Variants in EMC1 observed in about 807,000 individuals in gnomAD.
EMC1 encodes the protein KIAA0090.
In EMC1, 103 loss-of-function variants were observed where a neutral mutation model predicts 128.8. That is an observed-to-expected ratio of 0.80 (90% confidence interval 0.68 to 0.94). The LOEUF (loss-of-function observed/expected upper bound fraction) is 0.94. Ranked by LOEUF, EMC1 falls within the 40% of genes least tolerant of loss-of-function variation. The pLI, the probability that EMC1 is intolerant of heterozygous loss-of-function variation, is 0.00. For synonymous variants in EMC1, 442 were observed against 490.4 expected (o/e 0.90, Z 1.30); for missense variants, 1,083 against 1,250.6 (o/e 0.87, Z 2.02).
At position 19,223,380 on chromosome 1, in the gene EMC1, G is replaced by T. The variant is rs754044117; in HGVS notation, c.2376+16C>A. On this transcript the variant is annotated intron_variant, in intron 19 of 22. Transcript: ENST00000477853. ...ACCTCTGGAGCTACCTTGGGTCCCT[G>T]GTAGTGACCGCTTACCACCACCCAG... is the stretch of plus-strand genomic sequence containing the variant. The T allele has an allele frequency of 6.2e-7, 1 of 1,610,500 alleles. No individual in the cohort carries two copies. Among genetic ancestry groups the T allele is most frequent in the African/African-American group, 1.3e-5 (1 of 74,988 alleles).
chr1:19,250,417 A>G (rs1472929744), intron 1 of EMC1, among the ~76,000 whole-genome samples: 1 of 152,090 alleles, frequency 6.6e-6, no homozygotes, highest in African/African-American at 2.4e-5. Context: ...AATTAGATAC[A>G]CATATCACCC....
intron 18 of EMC1, among the ~76,000 whole-genome samples, chr1:19,225,630 A>T (rs2093466901): frequency 6.6e-6 from 1 of 151,916 alleles, no homozygotes; most frequent in Admixed American, 6.6e-5. Flanking sequence ...CTGGTGAAAG[A>T]GCAAGACTCC....
intron 1 of EMC1, among the ~76,000 whole-genome samples, chr1:19,249,009 A>G (rs937512644): frequency 1.3e-5 from 2 of 152,132 alleles, no homozygotes; most frequent in African/African-American, 4.8e-5. Context: ...CCTGGGGAAC[A>G]TAGCAAGATC....
In EMC1 at chr1:19,245,007, A is replaced by T. The variant is rs902716680; in HGVS notation, c.119T>A (p.Val40Asp). Residue 40 changes from valine to aspartate, a missense_variant, in exon 2 of 23, where the codon GTC becomes GAC. Transcript: ENST00000477853. ...FDWRQQYVGKVKFASLEFSPG... is the reference protein window; with the variant it reads ...FDWRQQYVGKDKFASLEFSPG... ...GGAAAATTCCAAGGAGGCAAACTTG[A>T]CCTTCCCAACATATTGCTGTCTCCT... 1 of 1,613,842 alleles carries T rather than the reference A, an allele frequency of 6.2e-7. No homozygotes were observed. Among genetic ancestry groups the T allele is most frequent in the African/African-American group, 1.3e-5 (1 of 74,908 alleles).
intron 21 of EMC1, chr1:19,220,212 T>C (rs2151934561): frequency 6.1e-6 from 1 of 163,762 alleles, no homozygotes; most frequent in South Asian, 1.6e-4. Flanking sequence ...AAGATGGTGG[T>C]TGTTAATACA....
chr1:19,233,069 G>A lies in EMC1; in HGVS notation c.1499C>T (p.Ser500Phe). 2 of 1,614,214 alleles carry A rather than the reference G, an allele frequency of 1.2e-6. No homozygotes were observed. Among genetic ancestry groups the A allele is most frequent in the African/African-American group, 1.3e-5 (1 of 75,044 alleles). Reference protein sequence around the residue: ...SQLILLQAWTSHLWKMFYDAR... With the variant: ...SQLILLQAWTFHLWKMFYDAR... Reference sequence around the variant, plus strand: ...ATCATAAAACATTTTCCAGAGGTGGGAAGTCCATGCTTGCAGCAGGATAAG... The same window carrying A: ...ATCATAAAACATTTTCCAGAGGTGGAAAGTCCATGCTTGCAGCAGGATAAG... The change falls in exon 14 of 23, where the codon TCC becomes TTC. Residue 500 changes from serine (S) to phenylalanine (F), a missense_variant. Transcript: ENST00000477853.
chr1:19,222,551 T>C, intron 20 of EMC1, 73 bp downstream of exon 20: 1 of 1,306,260 alleles, frequency 7.7e-7, no homozygotes, highest in Non-Finnish European at 1.1e-6. Context: ...GCCAGCAATG[T>C]GTCCCTTGCT....
chr1:19,222,663 TGG>T lies in EMC1; in HGVS notation c.2546_2547del (p.Ala849AspfsTer26). The T allele has an allele frequency of 6.2e-7, 1 of 1,614,104 alleles. No homozygotes were observed. The highest frequency in any genetic ancestry group is 8.5e-7 in the Non-Finnish European group (1 of 1,180,014). On this transcript the variant is annotated frameshift_variant, in exon 20 of 23. Transcript: ENST00000477853. LOFTEE classifies it high-confidence loss of function. ...IFPSSISAME[A>X]TITERGITSR... ...CTGGTGATGCCCCGTTCGGTGATGG[TGG>T]CCTCCATGGCACTGATGGAGGACGG...
chr1:19,249,452 C>T (rs1478003720), intron 1 of EMC1, among the ~76,000 whole-genome samples: 1 of 152,146 alleles, frequency 6.6e-6, no homozygotes, highest in Non-Finnish European at 1.5e-5. Flanking sequence ...AAGTAACATG[C>T]CGTACAGGTT....
Position 19,231,385 on chromosome 1 carries a change from A to C in EMC1, c.1820T>G (p.Ile607Ser). 1 of 1,612,390 alleles carries C rather than the reference A, an allele frequency of 6.2e-7. No homozygotes were observed. Among genetic ancestry groups the C allele is most frequent in the Non-Finnish European group, 8.5e-7 (1 of 1,179,626 alleles). The stretch of plus-strand genomic sequence containing the variant: ...AGCTACCTGACTCCACTTCCCAAAA[A>C]TGGGATTGAAGACATACAGAGAACT... ...GMSSLYVFNP[I>S]FGKWSQVAPP... The change falls in exon 16 of 23, where the codon ATT becomes AGT. Residue 607 changes from isoleucine to serine, a missense_variant. Ile to Ser is a moderately radical substitution (Grantham distance 142). Transcript: ENST00000477853.
chr1:19,230,525 G>A (rs1299850326), intron 17 of EMC1, among the ~76,000 whole-genome samples: 1 of 151,784 alleles, frequency 6.6e-6, no homozygotes, highest in Non-Finnish European at 1.5e-5. Flanking sequence ...AGCCGAGATC[G>A]CACCACTGCA....
chr1:19,224,938 A>G (rs1251671636), intron 18 of EMC1, among the ~76,000 whole-genome samples: 1 of 151,230 alleles, frequency 6.6e-6, no homozygotes, highest in East Asian at 1.9e-4. Context: ...TACCCACACA[A>G]CTCACTTCCT....
chr1:19,216,049 T>A lies in EMC1; in HGVS notation c.*3254A>T, dbSNP rs1368364475. The A allele has an allele frequency of 2.0e-5, 3 of 152,106 alleles. No homozygotes were observed. The highest frequency in any genetic ancestry group is 4.4e-5 in the Non-Finnish European group (3 of 68,028). The allele number at this position is 152,106 out of a possible 1,614,324, so 9.4% of individuals were successfully genotyped here. ...ATGAGTCTTGGGATGATTCTGATGATACTTTGTGTAATAGGCTCTTTAAAA... is the reference window on the plus strand; with the variant it reads ...ATGAGTCTTGGGATGATTCTGATGAAACTTTGTGTAATAGGCTCTTTAAAA... On this transcript the variant is annotated 3_prime_UTR_variant, in exon 23 of 23. Coordinates refer to ENST00000477853, the MANE Select transcript of EMC1 (RefSeq NM_015047.3).
At chr1:19,238,673 A>G in intron 10 of EMC1, 122 bp downstream of exon 10, 1 of 696,606 alleles carries the variant, frequency 1.4e-6, no homozygotes, top group Non-Finnish European at 2.5e-6. Flanking sequence ...TACAGTACTT[A>G]GGAAACCTCA....
Position 19,238,132 on chromosome 1 carries a change from A to G in EMC1, c.1097T>C (p.Leu366Pro). 1 of 1,613,732 alleles carries G rather than the reference A, an allele frequency of 6.2e-7. No homozygotes were observed. The change falls in exon 11 of 23, where the codon CTG becomes CCG. Residue 366 changes from leucine (L) to proline (P), a missense_variant. By Grantham distance (98) the Leu-to-Pro change is moderately conservative (BLOSUM62 -3). Around this residue, in one of 3 missense-constraint regions of EMC1, gnomAD observed 544 missense variants for 572.4 expected, o/e 0.95. Coordinates refer to ENST00000477853, the MANE Select transcript of EMC1 (RefSeq NM_015047.3). ...FSEKSSSKDS[L>P]ACFNQTYTIN... Reference sequence around the variant, plus strand: ...GGTGTAGGTCTGATTGAAGCAAGCCAGAGAGTCCTAGGAGTACAGACAGCA... The same window carrying G: ...GGTGTAGGTCTGATTGAAGCAAGCCGGAGAGTCCTAGGAGTACAGACAGCA...
chr1:19,233,388 C>G (rs963147663), intron 13 of EMC1, among the ~76,000 whole-genome samples: 1 of 152,124 alleles, frequency 6.6e-6, no homozygotes, highest in Non-Finnish European at 1.5e-5. Flanking sequence ...GAATAGGAGA[C>G]TAAGAGGTCA....
At position 19,242,385 on chromosome 1, in the gene EMC1, A is replaced by T; in HGVS notation, c.469T>A (p.Ser157Thr). 1 of 1,614,076 alleles carries T rather than the reference A, an allele frequency of 6.2e-7. No individual in the cohort carries two copies. Among genetic ancestry groups the T allele is most frequent in the East Asian group, 2.2e-5 (1 of 44,880 alleles). ...TCCACCCACTTGAGGTGCCCACTGG[A>T]GAGGTGATGGAGGGCAAGTGTAGTC... ...KKTTLALHHL[S>T]SGHLKWVEHL... Residue 157 changes from serine to threonine, a missense_variant, in exon 5 of 23, where the codon TCC (serine) becomes ACC (threonine). This residue lies in a region of EMC1 where 544 missense variants were observed against 572.4 expected (regional missense o/e 0.95). Coordinates refer to ENST00000477853, the MANE Select transcript of EMC1 (RefSeq NM_015047.3).
At chr1:19,222,910 C>T in intron 19 of EMC1, 76 bp from the exon 20 acceptor site, 1 of 1,093,906 alleles carries the variant, frequency 9.1e-7, no homozygotes. Context: ...TGGAAGGCAC[C>T]CCTCTAATTA....
chr1:19,237,351 T>G, intron 11 of EMC1, 113 bp from the exon 12 acceptor site: 1 of 769,222 alleles, frequency 1.3e-6, no homozygotes, highest in Non-Finnish European at 2.3e-6. Context: ...CATGGCATTA[T>G]TTGATGTCTA....
Sources: allele counts gnomAD v4.1 joint callset (sites outside exome capture counted in the v4.1 genomes callset), GRCh38; gene constraint gnomAD v4.1.1; regional missense constraint gnomAD v4.1.1; transcripts MANE v1.5; gene names NCBI Gene and HGNC (gene_info 2026-07-23, HGNC 2026-07-21).